The following EPN1 variants were observed in gnomAD, a reference collection of about 807,000 sequenced individuals.
EPN1 encodes the protein epsin-1.
EPN1 carries 25 observed loss-of-function variants against 56.9 expected under a neutral mutation model. The ratio of observed to expected loss-of-function variants is 0.44; its 90% CI spans 0.32 to 0.61. EPN1 has a LOEUF of 0.61. Among genes scored for constraint, EPN1 ranks in the 20% least tolerant of loss-of-function variants. EPN1 has a pLI of 0.05. For synonymous variants in EPN1, 411 were observed against 361.8 expected, an observed-to-expected ratio of 1.14 and a Z score of -1.54; for missense variants, 785 against 823.7, an observed-to-expected ratio of 0.95 and a Z score of 0.58.
At position 55,702,430 on chromosome 19, in the gene EPN1, TAAAG is replaced by T. The variant is rs1454989572; in HGVS notation, c.*7079_*7082del. 4.6e-5 allele frequency: 7 copies of T among 152,322 alleles called. No homozygotes were observed. In the South Asian group the frequency reaches 6.2e-4, roughly 14 times the overall value. 9.4% of individuals were successfully genotyped at this position (152,322 alleles called of 1,614,324 possible). A position where few individuals can be genotyped will look rare whatever the true frequency, so the allele number is the denominator to read the frequency against. On this transcript the variant is annotated 3_prime_UTR_variant, in exon 11 of 11. Transcript: ENST00000270460. ...CGCTTCCAGCTTCCCTTAGTGTGCC[TAAAG>T]AAAGGGAAAGGAATGTGCTTTAGGC...
intron 3 of EPN1, among the ~76,000 whole-genome samples, chr19:55,688,549 G>C (rs1360753734): frequency 1.3e-5 from 2 of 152,152 alleles, no homozygotes; most frequent in African/African-American, 4.8e-5. Context: ...CAGACCCCAG[G>C]CACGCGGAGA....
chr19:55,699,892 T>G lies in EPN1; in HGVS notation c.*4536T>G, dbSNP rs1987061200. The G allele has an allele frequency of 6.6e-6, 1 of 152,226 alleles. No homozygotes were observed. Among genetic ancestry groups the G allele is most frequent in the Admixed American group, 6.5e-5 (1 of 15,280 alleles). The allele number at this position is 152,226 out of a possible 1,614,324, so 9.4% of individuals were successfully genotyped here. Reference sequence around the variant, plus strand: ...TAATGTTATGTTTCATCCACATTATTTTAGTATGGATATTTATAATTTCCT... The same window carrying G: ...TAATGTTATGTTTCATCCACATTATGTTAGTATGGATATTTATAATTTCCT... On this transcript the variant is annotated 3_prime_UTR_variant, in exon 11 of 11. Coordinates refer to ENST00000270460, the MANE Select transcript of EPN1 (RefSeq NM_001130072.2).
Position 55,699,599 on chromosome 19 carries a change from A to G in EPN1, c.*4243A>G, listed in dbSNP as rs1010608932. On this transcript the variant is annotated 3_prime_UTR_variant, in exon 11 of 11. Coordinates refer to ENST00000270460, the MANE Select transcript of EPN1 (RefSeq NM_001130072.2). ...GTGCAGCCACGGCTGCTTCTGCACT[A>G]CAGTGGCAATGGTGACATTGAGTGT... The G allele has an allele frequency of 1.3e-5, 2 of 152,200 alleles. No homozygotes were observed. Among genetic ancestry groups the G allele is most frequent in the African/African-American group, 4.8e-5 (2 of 41,460 alleles). The allele number at this position is 152,200 out of a possible 1,614,324, so 9.4% of individuals were successfully genotyped here.
At chr19:55,693,120 C>T in intron 9 of EPN1, 83 bp downstream of exon 9, 2 of 1,396,160 alleles carry the variant, frequency 1.4e-6, no homozygotes, top group Non-Finnish European at 1.0e-6. Flanking sequence ...CTGTCTTTGT[C>T]CCACTCCAGG....
rs1986832384 is a variant in EPN1, at chr19:55,695,084, G to A, written c.1523-64G>A. 1 of 1,609,284 alleles carries A rather than the reference G, an allele frequency of 6.2e-7. No individual in the cohort carries two copies. The highest frequency in any genetic ancestry group is 2.2e-5 in the East Asian group (1 of 44,738). The stretch of plus-strand genomic sequence containing the variant: ...ACTTCGCCCTTTGCCTGCACATGCT[G>A]GATGGACACAGGTGGGCTGCGCCAC... On this transcript the variant is annotated intron_variant, in intron 10 of 10. Coordinates refer to ENST00000270460, the MANE Select transcript of EPN1 (RefSeq NM_001130072.2). The surrounding 1 kb of genome is among the most constrained non-coding windows in gnomAD (Gnocchi z 4.4).
chr19:55,692,836 T>C (rs1986658486), intron 8 of EPN1, 40 bp downstream of exon 8: 1 of 1,573,648 alleles, frequency 6.4e-7, no homozygotes, highest in East Asian at 2.3e-5. Flanking sequence ...CGGGTGGGAG[T>C]GAGTGGGAGA....
chr19:55,690,556 T>C (rs1204796261), intron 6 of EPN1, among the ~76,000 whole-genome samples: 1 of 152,184 alleles, frequency 6.6e-6, no homozygotes, highest in Admixed American at 6.5e-5. Context: ...GCCCGGGGTG[T>C]CCGCACTGGC....
rs1272020908 is a variant in EPN1 at position 55,696,183 on chromosome 19, TG to T, written c.*829del. On this transcript the variant is annotated 3_prime_UTR_variant, in exon 11 of 11. Coordinates refer to ENST00000270460, the MANE Select transcript of EPN1 (RefSeq NM_001130072.2). ...CATCACTAATCCATCCCTGCACTCC[TG>T]GAAAGCCGGGTCAGCCTCTGCCGGC... is the stretch of plus-strand genomic sequence containing the variant. 1 of 152,330 alleles carries T rather than the reference TG, an allele frequency of 6.6e-6. No homozygotes were observed. The highest frequency in any genetic ancestry group is 1.9e-4 in the East Asian group (1 of 5,194). 9.4% of individuals were successfully genotyped at this position (152,330 alleles called of 1,614,324 possible).
chr19:55,690,208 G>T (rs960173812), intron 6 of EPN1, among the ~76,000 whole-genome samples: 1 of 152,242 alleles, frequency 6.6e-6, no homozygotes, highest in Non-Finnish European at 1.5e-5. Flanking sequence ...CACCGTGAGG[G>T]CCACCACCGG....
rs1159699670 is a variant in EPN1 at position 55,700,858 on chromosome 19, C to T, written c.*5502C>T. The T allele has an allele frequency of 6.6e-6, 1 of 152,274 alleles. No homozygotes were observed. Among genetic ancestry groups the T allele is most frequent in the East Asian group, 1.9e-4 (1 of 5,196 alleles). 9.4% of individuals were successfully genotyped at this position (152,274 alleles called of 1,614,324 possible). On this transcript the variant is annotated 3_prime_UTR_variant, in exon 11 of 11. Coordinates refer to ENST00000270460, the MANE Select transcript of EPN1 (RefSeq NM_001130072.2). The stretch of plus-strand genomic sequence containing the variant: ...AGGGGAATGAAAGGTAGCTCAGAGG[C>T]TCGGGAGGTGAGGTTGCAAAATGGC...
intron 7 of EPN1, among the ~76,000 whole-genome samples, chr19:55,692,325 G>T (rs1477501134): frequency 1.3e-5 from 2 of 151,806 alleles, no homozygotes; most frequent in Admixed American, 6.6e-5. Flanking sequence ...AAGGCAGAGC[G>T]TGTGTGACGT....
At chr19:55,682,688 C>T (rs1456408071) in intron 2 of EPN1, among the ~76,000 whole-genome samples, 1 of 152,154 alleles carries the variant, frequency 6.6e-6, no homozygotes, top group Non-Finnish European at 1.5e-5. Context: ...CGACTTTAGC[C>T]TCTCAAAGCA....
At position 55,700,532 on chromosome 19, in the gene EPN1, T is replaced by G. The variant is rs1293977713; in HGVS notation, c.*5176T>G. ...GCCTCGGCCTCCCAAAGTGCTGGGA[T>G]TACAGGCGTGAGCCACGGCACCCGG... On this transcript the variant is annotated 3_prime_UTR_variant, in exon 11 of 11. Coordinates refer to ENST00000270460, the MANE Select transcript of EPN1 (RefSeq NM_001130072.2). 2.1e-5 allele frequency: 3 copies of G among 143,290 alleles called. No homozygotes were observed. Among genetic ancestry groups the G allele is most frequent in the East Asian group, 3.9e-4 (2 of 5,192 alleles). The allele number at this position is 143,290 out of a possible 1,614,324, so 8.9% of individuals were successfully genotyped here. A position where few individuals can be genotyped will look rare whatever the true frequency, so the allele number is the denominator to read the frequency against.
chr19:55,691,699 T>C lies in EPN1; in HGVS notation c.763-55T>C. 6.5e-7 allele frequency: 1 copy of C among 1,544,906 alleles called. No individual in the cohort carries two copies. The highest frequency in any genetic ancestry group is 8.8e-7 in the Non-Finnish European group (1 of 1,130,238). On this transcript the variant is annotated intron_variant, in intron 6 of 10. Transcript: ENST00000270460. The surrounding 1 kb of genome is among the most constrained non-coding windows in gnomAD (Gnocchi z 5.6). ...CCGCCACGGGCCCCAGCTTGGTCCC[T>C]GTCCCAGGCTTCCCACCACTTCTTC...
In EPN1 at chr19:55,703,966, T is replaced by C. The variant is rs559145792; in HGVS notation, c.*8610T>C. On this transcript the variant is annotated 3_prime_UTR_variant, in exon 11 of 11. Coordinates refer to ENST00000270460, the MANE Select transcript of EPN1 (RefSeq NM_001130072.2). ...GACGCTGGGATCCCGTGCGCGCTTG[T>C]GCTCCTTCCTTCTGGGCCAGCGCGC... 2 of 152,132 alleles carry C rather than the reference T, an allele frequency of 1.3e-5. No individual in the cohort carries two copies. The highest frequency in any genetic ancestry group is 2.1e-4 in the South Asian group (1 of 4,830). The allele number at this position is 152,132 out of a possible 1,614,324, so 9.4% of individuals were successfully genotyped here.
chr19:55,687,369 C>G (rs933644680), intron 3 of EPN1, among the ~76,000 whole-genome samples: 1 of 152,070 alleles, frequency 6.6e-6, no homozygotes, highest in Non-Finnish European at 1.5e-5. Flanking sequence ...CCCCGGGCAG[C>G]ACCGAGGCTG....
At chr19:55,678,878 C>T (rs561606237) in intron 2 of EPN1, 23 bp downstream of exon 2, 43 of 1,550,658 alleles carry the variant, frequency 2.8e-5, no homozygotes, top group Admixed American at 1.0e-4. Flanking sequence ...CTCTCCTCCC[C>T]GGGCAGGTGC....
At position 55,704,239 on chromosome 19, in the gene EPN1, C is replaced by T. The variant is rs116844271; in HGVS notation, c.*8883C>T. The T allele has an allele frequency of 1.8e-3, 273 of 152,744 alleles. 2 individuals are homozygous for T. Among genetic ancestry groups the T allele is most frequent in the Non-Finnish European group, 3.4e-3 (231 of 68,358 alleles). The allele number at this position is 152,744 out of a possible 1,614,324, so 9.5% of individuals were successfully genotyped here. On this transcript the variant is annotated 3_prime_UTR_variant, in exon 11 of 11. Transcript: ENST00000270460. ...GAGTGGCCCATCCTCTCCGCTTAGA[C>T]ACCTGCAGTCACTGTCACTAGCTGA... is the stretch of plus-strand genomic sequence containing the variant.
At chr19:55,681,188 G>T (rs185776145) in intron 2 of EPN1, among the ~76,000 whole-genome samples, 37 of 152,350 alleles carry the variant, frequency 2.4e-4, no homozygotes, top group Admixed American at 1.8e-3. Flanking sequence ...CGGCCTCCCT[G>T]CATGGCCTTG....
Sources: allele counts gnomAD v4.1 joint callset (sites outside exome capture counted in the v4.1 genomes callset), GRCh38; gene constraint gnomAD v4.1.1; non-coding constraint Gnocchi (gnomAD v3.1); transcripts MANE v1.5; gene names NCBI Gene and HGNC (gene_info 2026-07-23, HGNC 2026-07-21).